Variants in FLG observed in about 807,000 individuals in gnomAD.
The protein encoded by FLG is filaggrin, also known as epidermal filaggrin.
Under a neutral mutation model 3.8 loss-of-function variants are expected in FLG, and 6 were observed. The observed-to-expected ratio is 1.60, with a 90% CI of 0.87 to 3.15. FLG has a LOEUF of 3.15. Ranked by LOEUF, FLG falls within the 30% of genes most tolerant of loss-of-function variation. FLG has a pLI of 0.00. For missense variants in FLG, 7,595 were observed against 5,050.9 expected (o/e 1.50, Z -15.27); for synonymous variants, 2,551 against 1,931.6 (o/e 1.32, Z -8.41).
rs1651678148 is a variant in FLG at position 152,302,615 on chromosome 1, C to T, written c.*85G>A. 3 of 1,541,164 alleles carry T rather than the reference C, an allele frequency of 1.9e-6. No homozygotes were observed. Among genetic ancestry groups the T allele is most frequent in the Admixed American group, 1.9e-5 (1 of 51,758 alleles). On this transcript the variant is annotated 3_prime_UTR_variant, in exon 3 of 3. Transcript: ENST00000368799. ...CAGATTGACAGGAAAAGATAACTTC[C>T]CTGAAAGTATTATGAAGTTTCTTGA...
chr1:152,308,835 G>A lies in FLG; in HGVS notation c.6051C>T (p.Ser2017=), dbSNP rs2101644037. The A allele has an allele frequency of 1.2e-6, 2 of 1,614,202 alleles. No individual in the cohort carries two copies. Among genetic ancestry groups the A allele is most frequent in the Middle Eastern group, 3.3e-4 (2 of 6,062 alleles). ...SHHQLQSADS[S]RHSGIGHGQA... ...GTCCATGCCCAATGCCTGAGTGTCT[G>A]GAGCTGTCTGCTGACTGGAGCTGGT... The change falls in exon 3 of 3, where the codon TCC becomes TCT. Residue 2017 remains serine (S), a synonymous_variant. Transcript: ENST00000368799.
chr1:152,310,641 T>C lies in FLG; in HGVS notation c.4245A>G (p.Gln1415=), dbSNP rs150981235. The C allele has an allele frequency of 1.6e-4, 261 of 1,613,780 alleles. No homozygotes were observed. In the East Asian group the frequency reaches 2.0e-3, roughly 12 times the overall value. The change falls in exon 3 of 3, where the codon CAA becomes CAG. Residue 1415 remains glutamine, a synonymous_variant. Transcript: ENST00000368799. The stretch of plus-strand genomic sequence containing the variant: ...TGTGGCTCTGCTGATGGGGCCCAGC[T>C]TGTCCGTGGGCTGACACTGACTGTG... ...SDTQSVSAHG[Q]AGPHQQSHKE...
At position 152,308,427 on chromosome 1, in the gene FLG, G is replaced by T; in HGVS notation, c.6459C>A (p.His2153Gln). ...GPSRGGRQGS[H>Q]QEQSVDRSGH... is the part of the protein sequence containing the mutation. ...CAGACCTATCTACCGATTGCTCTTG[G>T]TGGGACCCCTGTCTTCCTCCTCTGC... Residue 2153 changes from histidine (H) to glutamine (Q), a missense_variant, in exon 3 of 3, where the codon CAC (histidine) becomes CAA (glutamine). By Grantham distance (24) the His-to-Gln change is conservative. Coordinates refer to ENST00000368799, the MANE Select transcript of FLG (RefSeq NM_002016.2). 1 of 1,613,870 alleles carries T rather than the reference G, an allele frequency of 6.2e-7. No homozygotes were observed. Among genetic ancestry groups the T allele is most frequent in the South Asian group, 1.1e-5 (1 of 91,040 alleles).
rs776993773 is a variant in FLG at position 152,303,223 on chromosome 1, T to G, written c.11663A>C (p.His3888Pro). Residue 3888 changes from histidine (H) to proline (P), a missense_variant, in exon 3 of 3, where the codon CAT (histidine) becomes CCT (proline). By Grantham distance (77) the His-to-Pro change is moderately conservative. Coordinates refer to ENST00000368799, the MANE Select transcript of FLG (RefSeq NM_002016.2). Reference sequence around the variant, plus strand: ...TCTTGACTGCTCCCGAGAAGATCCATGATGGTTTCTGGAAGCAGACTCAGA... The same window carrying G: ...TCTTGACTGCTCCCGAGAAGATCCAGGATGGTTTCTGGAAGCAGACTCAGA... ...RRSESASRNH[H>P]GSSREQSRDG... The G allele has an allele frequency of 1.9e-6, 3 of 1,613,944 alleles. No individual in the cohort carries two copies. The East Asian group carries it at 6.7e-5, about 36-fold the overall frequency.
rs200713352 is a variant in FLG, at chr1:152,308,182, G to A, written c.6704C>T (p.Thr2235Ile). Residue 2235 changes from threonine (T) to isoleucine (I), a missense_variant, in exon 3 of 3, where the codon ACA (threonine) becomes ATA (isoleucine). Thr to Ile is a moderately conservative substitution (Grantham distance 89, BLOSUM62 -1). Coordinates refer to ENST00000368799, the MANE Select transcript of FLG (RefSeq NM_002016.2). ...AACACTGGATCCCCGGGGCCTGCTT[G>A]TCCTGGGCCCTGATGATTGTCCCTG... The part of the protein sequence containing the change: ...VGQGQSSGPR[T>I]SRPRGSSVSQ... 6 of 1,599,774 alleles carry A rather than the reference G, an allele frequency of 3.8e-6. No individual in the cohort carries two copies. The highest frequency in any genetic ancestry group is 5.1e-6 in the Non-Finnish European group (6 of 1,175,242).
rs540138145 is a variant in FLG, at chr1:152,303,705, A to G, written c.11181T>C (p.Ala3727=). The change falls in exon 3 of 3, where the codon GCT becomes GCC. Residue 3727 remains alanine, a synonymous_variant. Transcript: ENST00000368799. ...HEQSESAHGR[A]GPSTGGRQGS... ...CTTGTCTTCCTCCAGTACTGGGCCC[A>G]GCCCGTCCATGGGCAGACTCAGACT... 35 of 1,613,802 alleles carry G rather than the reference A, an allele frequency of 2.2e-5. No homozygotes were observed. The highest frequency in any genetic ancestry group is 2.0e-4 in the South Asian group (18 of 91,050).
chr1:152,310,480 C>T lies in FLG; in HGVS notation c.4406G>A (p.Arg1469His), dbSNP rs145675213. ...APSTGGRQGSRHEQARNSSRH... is the reference protein window; with the variant it reads ...APSTGGRQGSHHEQARNSSRH... ...AGAGCTGTTTCGTGCCTGCTCATGG[C>T]GGGATCCTTGTCTTCCTCCAGTGCT... The change falls in exon 3 of 3, where the codon CGC becomes CAC. Residue 1469 changes from arginine (R) to histidine (H), a missense_variant. By Grantham distance (29) the Arg-to-His change is conservative. Coordinates refer to ENST00000368799, the MANE Select transcript of FLG (RefSeq NM_002016.2). 2.6e-4 allele frequency: 412 copies of T among 1,613,658 alleles called. 1 individual carries two copies. The East Asian group carries it at 4.1e-3, about 16-fold the overall frequency.
rs778322699 is a variant in FLG at position 152,312,551 on chromosome 1, C to A, written c.2335G>T (p.Ala779Ser). ...GACCTTTCCCCTGACCGGTCACGTG[C>A]GGACTCTTGGTGGCTCTGCTGATGG... Reference protein sequence around the residue: ...GHHQQSHQESARDRSGERSRR... With the variant: ...GHHQQSHQESSRDRSGERSRR... The change falls in exon 3 of 3, where the codon GCA becomes TCA. Residue 779 changes from alanine (A) to serine (S), a missense_variant. By Grantham distance (99) the Ala-to-Ser change is moderately conservative. Transcript: ENST00000368799. 1 of 1,613,626 alleles carries A rather than the reference C, an allele frequency of 6.2e-7. No individual in the cohort carries two copies. The highest frequency in any genetic ancestry group is 8.5e-7 in the Non-Finnish European group (1 of 1,179,912).
chr1:152,313,282 G>A lies in FLG; in HGVS notation c.1604C>T (p.Ser535Leu), dbSNP rs967493717. 2.9e-5 allele frequency: 46 copies of A among 1,613,776 alleles called. No individual in the cohort carries two copies. In the East Asian group the frequency reaches 4.0e-4, roughly 14 times the overall value. ...GGRQGSHHEQ[S>L]VNRSGHSGSH... ...ACCTGAGTGTCCAGACCTATTTACCGATTGCTCGTGGTGGGATCCCTGCCT... is the reference window on the plus strand; with the variant it reads ...ACCTGAGTGTCCAGACCTATTTACCAATTGCTCGTGGTGGGATCCCTGCCT... Residue 535 changes from serine (S) to leucine (L), a missense_variant, in exon 3 of 3, where the codon TCG becomes TTG. By Grantham distance (145) the Ser-to-Leu change is moderately radical (BLOSUM62 -2). Coordinates refer to ENST00000368799, the MANE Select transcript of FLG (RefSeq NM_002016.2).
rs747976701 is a variant in FLG, at chr1:152,308,101, G to A, written c.6785C>T (p.Ser2262Phe). ...HSEDSERRSG[S>F]ASRNHHGSAQ... Reference sequence around the variant, plus strand: ...AGATCCATGATGGTTTCTGGACGCAGACCCAGACCGCCTCTCAGAATCTTC... The same window carrying A: ...AGATCCATGATGGTTTCTGGACGCAAACCCAGACCGCCTCTCAGAATCTTC... Residue 2262 changes from serine to phenylalanine, a missense_variant, in exon 3 of 3, where the codon TCT (serine) becomes TTT (phenylalanine). Transcript: ENST00000368799. 4.3e-6 allele frequency: 7 copies of A among 1,613,884 alleles called. No individual in the cohort carries two copies. Among genetic ancestry groups the A allele is most frequent in the Non-Finnish European group, 5.9e-6 (7 of 1,180,006 alleles).
chr1:152,318,927 AG>A (rs903302960), intron 1 of FLG, among the ~76,000 whole-genome samples: 2 of 151,792 alleles, frequency 1.3e-5, no homozygotes, highest in African/African-American at 2.4e-5. Flanking sequence ...TAAGGAAAGG[AG>A]GTTTTGTGGT....
At position 152,310,168 on chromosome 1, in the gene FLG, T is replaced by G. The variant is rs771567453; in HGVS notation, c.4718A>C (p.His1573Pro). The G allele has an allele frequency of 6.2e-7, 1 of 1,613,650 alleles. No individual in the cohort carries two copies. The highest frequency in any genetic ancestry group is 8.5e-7 in the Non-Finnish European group (1 of 1,179,924). Residue 1573 changes from histidine (H) to proline (P), a missense_variant, in exon 3 of 3, where the codon CAC (histidine) becomes CCC (proline). His to Pro is a moderately conservative substitution (Grantham distance 77). Transcript: ENST00000368799. ...EPSTRAGSSR[H>P]SQVGQGESAG... ...TGATTCTCCCTGGCCCACCTGTGAG[T>G]GTCTAGAGCTGCCGGCCCGAGTGGA...
Position 152,310,080 on chromosome 1 carries a change from T to A in FLG, c.4806A>T (p.Gly1602=). The change falls in exon 3 of 3, where the codon GGA becomes GGT. Residue 1602 remains glycine, a synonymous_variant. Transcript: ENST00000368799. The part of the protein sequence containing the change: ...SSVSQDRDSE[G]HSEDSERRSE... ...ACCGCCTCTCAGAGTCTTCTGAGTG[T>A]CCCTCACTGTCCCTGTCCTGACTAA... 1 of 1,613,994 alleles carries A rather than the reference T, an allele frequency of 6.2e-7. No individual in the cohort carries two copies. The highest frequency in any genetic ancestry group is 8.5e-7 in the Non-Finnish European group (1 of 1,179,992).
chr1:152,307,378 G>T lies in FLG; in HGVS notation c.7508C>A (p.Ala2503Asp). The change falls in exon 3 of 3, where the codon GCC becomes GAC. Residue 2503 changes from alanine to aspartate, a missense_variant. By Grantham distance (126) the Ala-to-Asp change is moderately radical. Coordinates refer to ENST00000368799, the MANE Select transcript of FLG (RefSeq NM_002016.2). ...SHTTSQGRSD[A>D]SHGHSGSRSA... The stretch of plus-strand genomic sequence containing the variant: ...TCTGGATCCTGAGTGCCCATGGGAG[G>T]CATCAGACCTTCCCTGGGATGTGGT... 2 of 1,613,160 alleles carry T rather than the reference G, an allele frequency of 1.2e-6. No individual in the cohort carries two copies. The highest frequency in any genetic ancestry group is 1.7e-6 in the Non-Finnish European group (2 of 1,179,694).
chr1:152,307,713 G>T lies in FLG; in HGVS notation c.7173C>A (p.Pro2391=), dbSNP rs1442074934. The T allele has an allele frequency of 1.2e-6, 2 of 1,612,994 alleles. No individual in the cohort carries two copies. The highest frequency in any genetic ancestry group is 1.7e-5 in the Admixed American group (1 of 59,902). ...QSVSAHGQAG[P]HQQSHQESTR... ...TGGACTCTTGGTGGCTCTGCTGATGGGGCCCAGCCTGTCCGTGGGCTGACA... is the reference window on the plus strand; with the variant it reads ...TGGACTCTTGGTGGCTCTGCTGATGTGGCCCAGCCTGTCCGTGGGCTGACA... The change falls in exon 3 of 3, where the codon CCC becomes CCA. Residue 2391 remains proline (P), a synonymous_variant. Coordinates refer to ENST00000368799, the MANE Select transcript of FLG (RefSeq NM_002016.2).
rs1652438135 is a variant in FLG at position 152,311,633 on chromosome 1, A to T, written c.3253T>A (p.Ser1085Thr). ...EGHSEESDTQSVSGHGQDGPH... is the reference protein window; with the variant it reads ...EGHSEESDTQTVSGHGQDGPH... The stretch of plus-strand genomic sequence containing the variant: ...CCATCCTGTCCATGGCCTGACACTG[A>T]CTGTGTGTCTGACTCCTCTGAATGT... Residue 1085 changes from serine (S) to threonine (T), a missense_variant, in exon 3 of 3, where the codon TCA (serine) becomes ACA (threonine). By Grantham distance (58) the Ser-to-Thr change is moderately conservative. Coordinates refer to ENST00000368799, the MANE Select transcript of FLG (RefSeq NM_002016.2). 6.2e-7 allele frequency: 1 copy of T among 1,613,690 alleles called. No individual in the cohort carries two copies. The highest frequency in any genetic ancestry group is 1.7e-5 in the Admixed American group (1 of 59,980).
rs144941548 is a variant in FLG at position 152,305,618 on chromosome 1, G to A, written c.9268C>T (p.Arg3090Cys). Residue 3090 changes from arginine to cysteine, a missense_variant, in exon 3 of 3, where the codon CGC becomes TGC. Transcript: ENST00000368799. ...GAGCTGTCTTGTGCCTGCTCATGGC[G>A]GGATCCTTGTCTTCCTCTAGTGCTG... The part of the protein sequence containing the change: ...GPSTRGRQGS[R>C]HEQAQDSSRH... 53 of 1,494,678 alleles carry A rather than the reference G, an allele frequency of 3.5e-5. 7 individuals carry two copies. The highest frequency in any genetic ancestry group is 4.2e-5 in the Non-Finnish European group (47 of 1,126,540). The allele number at this position is 1,494,678 out of a possible 1,614,324, so 92.6% of individuals were successfully genotyped here.
In FLG at chr1:152,311,001, A is replaced by C; in HGVS notation, c.3885T>G (p.His1295Gln). Residue 1295 changes from histidine to glutamine, a missense_variant, in exon 3 of 3, where the codon CAT (histidine) becomes CAG (glutamine). By Grantham distance (24) the His-to-Gln change is conservative. Coordinates refer to ENST00000368799, the MANE Select transcript of FLG (RefSeq NM_002016.2). ...CTCTTGACTGCTCCCGAGAAGATCCATGATGGTTTCTGGAAGCAGACCCAG... is the reference window on the plus strand; with the variant it reads ...CTCTTGACTGCTCCCGAGAAGATCCCTGATGGTTTCTGGAAGCAGACCCAG... ...RLSGSASRNH[H>Q]GSSREQSRDG... The C allele has an allele frequency of 6.2e-7, 1 of 1,613,784 alleles. No individual in the cohort carries two copies. Among genetic ancestry groups the C allele is most frequent in the South Asian group, 1.1e-5 (1 of 91,026 alleles).
Position 152,309,974 on chromosome 1 carries a change from C to T in FLG, c.4912G>A (p.Glu1638Lys), listed in dbSNP as rs1570906611. ...GAGTGCCCATGACTGGCTCTATCTT[C>T]TTGATGGGACCTGGGGTTCCTGGAG... ...HGSRNPRSHQ[E>K]DRASHGHSAE... The change falls in exon 3 of 3, where the codon GAA becomes AAA. Residue 1638 changes from glutamate to lysine, a missense_variant. Coordinates refer to ENST00000368799, the MANE Select transcript of FLG (RefSeq NM_002016.2). 2 of 1,614,062 alleles carry T rather than the reference C, an allele frequency of 1.2e-6. No homozygotes were observed. The highest frequency in any genetic ancestry group is 1.7e-6 in the Non-Finnish European group (2 of 1,180,000).
Sources: allele counts gnomAD v4.1 joint callset (sites outside exome capture counted in the v4.1 genomes callset), GRCh38; gene constraint gnomAD v4.1.1; transcripts MANE v1.5; gene names NCBI Gene and HGNC (gene_info 2026-07-23, HGNC 2026-07-21).